SNTG1: variants seen among roughly 807,000 people sequenced by gnomAD.
The protein encoded by SNTG1 is gamma-1-syntrophin.
SNTG1 carries 39 observed loss-of-function variants against 74.7 expected under a neutral mutation model. That is an observed-to-expected ratio of 0.52 (90% CI 0.40 to 0.68). The LOEUF is 0.68. Ranked by LOEUF, SNTG1 falls within the 30% of genes least tolerant of loss-of-function variation. The probability of loss-of-function intolerance (pLI) is 0.00; values close to 1 mark genes in which losing one functional copy is unlikely to be tolerated. For synonymous variants in SNTG1, 254 were observed against 217.1 expected, an observed-to-expected ratio of 1.17 and a Z score of -1.49; for missense variants, 685 against 609.5, an observed-to-expected ratio of 1.12 and a Z score of -1.30.
At chr8:50,111,478 G>C (rs906512800) in intron 1 of SNTG1, among the ~76,000 whole-genome samples, 1 of 151,984 alleles carries the variant, frequency 6.6e-6, no homozygotes, top group Non-Finnish European at 1.5e-5. Flanking sequence ...AACCATGTGA[G>C]GTCACAGTGA....
At chr8:50,394,388 T>C (rs1276968005) in intron 3 of SNTG1, 123 bp downstream of exon 3, 8 of 897,412 alleles carry the variant, frequency 8.9e-6, no homozygotes, top group Non-Finnish European at 1.4e-5. Context: ...GGATGGGCTC[T>C]TTTTCCTTCC....
chr8:50,700,603 C>T (rs2095420119), intron 15 of SNTG1, among the ~76,000 whole-genome samples: 1 of 152,140 alleles, frequency 6.6e-6, no homozygotes, highest in Admixed American at 6.5e-5. Context: ...TGGTCTTTTT[C>T]AGGCTTGCAC....
intron 1 of SNTG1, among the ~76,000 whole-genome samples, chr8:50,168,045 CTTTA>C (rs1215525816): frequency 6.6e-6 from 1 of 151,842 alleles, no homozygotes; most frequent in African/African-American, 2.4e-5. Flanking sequence ...ACTTCTTGTG[CTTTA>C]TTTCTCTTAT....
chr8:49,940,475 T>C (rs1808586480), intron 1 of SNTG1, among the ~76,000 whole-genome samples: 1 of 152,178 alleles, frequency 6.6e-6, no homozygotes, highest in African/African-American at 2.4e-5. Context: ...CTTAACTTGA[T>C]TATATACAAT....
intron 17 of SNTG1, among the ~76,000 whole-genome samples, chr8:50,728,969 A>G (rs1222216844): frequency 6.6e-6 from 1 of 152,228 alleles, no homozygotes; most frequent in Non-Finnish European, 1.5e-5. Context: ...TGTTTTAAGA[A>G]CAACTAACTG....
At chr8:50,287,221 CAT>C (rs890339214) in intron 2 of SNTG1, among the ~76,000 whole-genome samples, 26 of 152,238 alleles carry the variant, frequency 1.7e-4, no homozygotes, top group African/African-American at 6.3e-4. Context: ...CTGCCCCAAC[CAT>C]AAATCAGGTT....
chr8:50,127,274 G>A (rs1340493612), intron 1 of SNTG1, among the ~76,000 whole-genome samples: 1 of 152,106 alleles, frequency 6.6e-6, no homozygotes. Context: ...GTGACTTTTA[G>A]TAGTAATTAA....
chr8:50,616,883 G>A (rs556769850), intron 13 of SNTG1, among the ~76,000 whole-genome samples: 30 of 152,206 alleles, frequency 2.0e-4, no homozygotes, highest in African/African-American at 5.5e-4. Context: ...CCTCCGTCAC[G>A]CAAGCCCCAG....
At chr8:50,072,831 T>A (rs1424166251) in intron 1 of SNTG1, among the ~76,000 whole-genome samples, 1 of 152,220 alleles carries the variant, frequency 6.6e-6, no homozygotes, top group Non-Finnish European at 1.5e-5. Context: ...TCCTAGTGCA[T>A]ATTCCGGTTT....
At chr8:50,574,666 C>T (rs541057189) in intron 12 of SNTG1, among the ~76,000 whole-genome samples, 17 of 152,126 alleles carry the variant, frequency 1.1e-4, no homozygotes, top group African/African-American at 3.9e-4. Flanking sequence ...TGAGATTACC[C>T]ACTTTTAATG....
chr8:49,932,698 C>T lies in SNTG1; in HGVS notation c.-103+20467C>T, dbSNP rs551940379. ...TTAGTCTATTTACAAGGTTGTGCAA[C>T]CATCACCACTATTTAATTTCAGAAT... On this transcript the variant is annotated intron_variant, in intron 1 of 18. Transcript: ENST00000642720. Among the ~76,000 whole-genome samples the T allele has an allele frequency of 7.2e-5, 11 of 152,122 alleles. 1 individual carries two copies. Among genetic ancestry groups the T allele is most frequent in the African/African-American group, 2.4e-4 (10 of 41,512 alleles).
chr8:50,789,667 A>G (rs771251930), intron 18 of SNTG1, among the ~76,000 whole-genome samples: 17 of 152,062 alleles, frequency 1.1e-4, no homozygotes, highest in Non-Finnish European at 2.1e-4. Context: ...ATTGAAATCT[A>G]CTTTCAAATT....
chr8:50,101,541 T>G (rs182442305), intron 1 of SNTG1, among the ~76,000 whole-genome samples: 1 of 152,024 alleles, frequency 6.6e-6, no homozygotes, highest in Admixed American at 6.6e-5. Flanking sequence ...ATGGGGAGTA[T>G]ATTTTCTTAT....
At chr8:50,431,780 T>C (rs2093239243) in intron 4 of SNTG1, among the ~76,000 whole-genome samples, 1 of 152,188 alleles carries the variant, frequency 6.6e-6, no homozygotes, top group African/African-American at 2.4e-5. Flanking sequence ...CCCTGACAAA[T>C]GATGTTGAAC....
At chr8:50,293,990 G>GA (rs1167478835) in intron 2 of SNTG1, among the ~76,000 whole-genome samples, 2 of 152,036 alleles carry the variant, frequency 1.3e-5, no homozygotes, top group Admixed American at 6.6e-5. Flanking sequence ...GTCTTATCAA[G>GA]AAAAAATTAT....
At chr8:50,755,952 A>G (rs900080974) in intron 18 of SNTG1, among the ~76,000 whole-genome samples, 6 of 151,510 alleles carry the variant, frequency 4.0e-5, no homozygotes, top group African/African-American at 1.5e-4. Flanking sequence ...ATATTTTCAT[A>G]CGCTAATTTT....
At chr8:50,211,475 T>C (rs2084518954) in intron 2 of SNTG1, among the ~76,000 whole-genome samples, 1 of 152,132 alleles carries the variant, frequency 6.6e-6, no homozygotes, top group Non-Finnish European at 1.5e-5. Context: ...ATGCATTATC[T>C]TTCTTAATCC....
chr8:50,763,804 A>G (rs1441340523), intron 18 of SNTG1, among the ~76,000 whole-genome samples: 1 of 148,382 alleles, frequency 6.7e-6, no homozygotes, highest in Non-Finnish European at 1.5e-5. Flanking sequence ...TAAATTTTTT[A>G]CCAAAATTTC....
chr8:50,454,094 G>A (rs757396006), intron 8 of SNTG1, among the ~76,000 whole-genome samples: 2 of 152,174 alleles, frequency 1.3e-5, no homozygotes, highest in Non-Finnish European at 1.5e-5. Context: ...AATTAACACT[G>A]ATGCTATTCT....
Sources: allele counts gnomAD v4.1 joint callset (sites outside exome capture counted in the v4.1 genomes callset), GRCh38; gene constraint gnomAD v4.1.1; transcripts MANE v1.5; gene names NCBI Gene and HGNC (gene_info 2026-07-23, HGNC 2026-07-21).